ACCS: variants seen among roughly 807,000 people sequenced by gnomAD.
ACCS encodes 1-aminocyclopropane-1-carboxylate synthase-like protein 1.
Under a neutral mutation model 59.8 loss-of-function variants are expected in ACCS, and 42 were observed. That is an observed-to-expected ratio of 0.70 (90% CI 0.55 to 0.91). The LOEUF (loss-of-function observed/expected upper bound fraction) is 0.91, where lower values mean the gene tolerates loss of function less well. Ranked by LOEUF, ACCS falls within the 40% of genes least tolerant of loss-of-function variation. The probability of loss-of-function intolerance (pLI) is 0.00; values close to 1 mark genes in which losing one functional copy is unlikely to be tolerated. For synonymous variants in ACCS, 230 were observed against 240.3 expected (o/e 0.96, Z 0.40); for missense variants, 602 against 630.4 (o/e 0.95, Z 0.48).
At position 44,075,579 on chromosome 11, in the gene ACCS, G is replaced by A. The variant is rs779043706; in HGVS notation, c.543G>A (p.Leu181=). Reference sequence around the variant, plus strand: ...TCTTCTCTGCTCTGGCCACGGTGCTGTGTGAGGCCGGGGGTAAGTGAGCTC... The same window carrying A: ...TCTTCTCTGCTCTGGCCACGGTGCTATGTGAGGCCGGGGGTAAGTGAGCTC... ...ASLFSALATV[L]CEAGEAFLIP... is the part of the protein sequence containing the mutation. Residue 181 remains leucine, a synonymous_variant, in exon 6 of 15, where the codon CTG becomes CTA. Transcript: ENST00000263776. 6.8e-6 allele frequency: 11 copies of A among 1,614,156 alleles called. No individual in the cohort carries two copies. The highest frequency in any genetic ancestry group is 9.3e-6 in the Non-Finnish European group (11 of 1,180,024).
intron 5 of ACCS, among the ~76,000 whole-genome samples, chr11:44,075,233 G>T (rs1163865534): frequency 6.6e-6 from 1 of 152,102 alleles, no homozygotes; most frequent in Non-Finnish European, 1.5e-5. Context: ...CTCCCTCCTC[G>T]ATGTTTAAAG....
In ACCS at chr11:44,083,539, G is replaced by C; in HGVS notation, c.1370G>C (p.Arg457Pro). ...GAGTGTAAAGAGCCTGGTTGGTTTC[G>C]CTTTGTCTTCTCAGACCAGGTCCAC... ...AFECKEPGWF[R>P]FVFSDQVHRL... Residue 457 changes from arginine to proline, a missense_variant, in exon 14 of 15, where the codon CGC becomes CCC. Physicochemically the swap from Arg to Pro is moderately radical, Grantham distance 103. Transcript: ENST00000263776. The C allele has an allele frequency of 1.2e-6, 2 of 1,614,234 alleles. No homozygotes were observed. The highest frequency in any genetic ancestry group is 1.7e-6 in the Non-Finnish European group (2 of 1,180,040).
chr11:44,075,365 C>T (rs192643143), intron 5 of ACCS, among the ~76,000 whole-genome samples, 161 bp from the exon 6 acceptor site: 170 of 152,318 alleles, frequency 1.1e-3, no homozygotes, highest in Non-Finnish European at 1.1e-3. Context: ...AGGGTCCACA[C>T]GGATGAGCTT....
In ACCS at chr11:44,077,831, G is replaced by A. The variant is rs372496715; in HGVS notation, c.655-14G>A. ...ACTGAATGTGGCTGGTGGCTCTGAT[G>A]GGTCTTTTTCCAGGTCACTGGGCTA... On this transcript the variant is annotated splice_polypyrimidine_tract_variant and intron_variant, in intron 7 of 14. Coordinates refer to ENST00000263776, the MANE Select transcript of ACCS (RefSeq NM_032592.4). 19 of 1,612,252 alleles carry A rather than the reference G, an allele frequency of 1.2e-5. No homozygotes were observed. Among genetic ancestry groups the A allele is most frequent in the Non-Finnish European group, 1.5e-5 (18 of 1,179,244 alleles).
At chr11:44,079,303 C>A (rs1224218949) in intron 9 of ACCS, 1 of 518,156 alleles carries the variant, frequency 1.9e-6, no homozygotes. Context: ...CCCGGGAGAT[C>A]CTTTTCTCCC....
At chr11:44,082,907 G>A (rs534597829) in intron 12 of ACCS, among the ~76,000 whole-genome samples, 3 of 152,084 alleles carry the variant, frequency 2.0e-5, no homozygotes, top group African/African-American at 4.8e-5. Flanking sequence ...TCTTTATCCT[G>A]GGGGACTTTG....
chr11:44,074,734 C>CTCTCTCTTTCTTTCTTTCTT (rs879192765), intron 5 of ACCS, 53 bp downstream of exon 5: 3 of 548,372 alleles, frequency 5.5e-6, no homozygotes, highest in Non-Finnish European at 7.8e-6. Flanking sequence ...CCCTCTCCAT[C>CTCTCTCTTTCTTTCTTTCTT]TCTTTCTTTC....
Position 44,079,611 on chromosome 11 carries a change from G to T in ACCS, c.914G>T (p.Ser305Ile). The T allele has an allele frequency of 6.2e-7, 1 of 1,608,932 alleles. No homozygotes were observed. The highest frequency in any genetic ancestry group is 8.5e-7 in the Non-Finnish European group (1 of 1,177,808). The change falls in exon 10 of 15, where the codon AGC becomes ATC. Residue 305 changes from serine to isoleucine, a missense_variant. Transcript: ENST00000263776. ...EKSVGYRSVL[S>I]LERLPDPQRT... The stretch of plus-strand genomic sequence containing the variant: ...TCTGTTGGGTACCGCAGTGTCCTAA[G>T]CCTGGAAAGGTGAGGCTCCCTGACA...
At position 44,083,255 on chromosome 11, in the gene ACCS, G is replaced by A. The variant is rs1038987155; in HGVS notation, c.1198G>A (p.Gly400Arg). ...TGTCTCAGAAGAGCTTAGGGCATTG[G>A]GGATCCCCTTCTTGAGTCGTGGGGC... ...TYVSEELRAL[G>R]IPFLSRGAGF... Residue 400 changes from glycine (G) to arginine (R), a missense_variant, in exon 13 of 15, where the codon GGG (glycine) becomes AGG (arginine). Gly to Arg is a moderately radical substitution (Grantham distance 125, BLOSUM62 -2). Transcript: ENST00000263776. The A allele has an allele frequency of 1.2e-6, 2 of 1,614,206 alleles. No homozygotes were observed. Among genetic ancestry groups the A allele is most frequent in the Non-Finnish European group, 1.7e-6 (2 of 1,180,036 alleles).
At chr11:44,082,502 C>T (rs1180987188) in intron 12 of ACCS, among the ~76,000 whole-genome samples, 1 of 152,166 alleles carries the variant, frequency 6.6e-6, no homozygotes, top group African/African-American at 2.4e-5. Flanking sequence ...TGAGTGAAAG[C>T]AGCTAGCCTC....
chr11:44,080,831 C>T (rs563870536), intron 10 of ACCS, 189 bp from the exon 11 acceptor site: 14 of 640,936 alleles, frequency 2.2e-5, no homozygotes, highest in Admixed American at 1.4e-4. Flanking sequence ...ATGTTTGGCC[C>T]GCGGGCTGTC....
intron 10 of ACCS, among the ~76,000 whole-genome samples, chr11:44,080,121 A>G (rs962676933): frequency 2.0e-5 from 3 of 152,240 alleles, no homozygotes; most frequent in African/African-American, 7.2e-5. Flanking sequence ...ACACTGGCCC[A>G]TGCCTGTAAT....
chr11:44,080,898 A>C, intron 10 of ACCS, 122 bp from the exon 11 acceptor site: 1 of 1,276,188 alleles, frequency 7.8e-7, no homozygotes, highest in Non-Finnish European at 1.1e-6. Flanking sequence ...AAGACATGAA[A>C]CCAGGGCTTG....
Position 44,071,269 on chromosome 11 carries a change from T to C in ACCS, c.302T>C (p.Leu101Ser), listed in dbSNP as rs1398891520. 2.4e-5 allele frequency: 39 copies of C among 1,614,020 alleles called. 1 individual carries two copies. Among genetic ancestry groups the C allele is most frequent in the Non-Finnish European group, 3.1e-5 (36 of 1,180,018 alleles). Residue 101 changes from leucine to serine, a missense_variant, in exon 3 of 15, where the codon TTG becomes TCG. Transcript: ENST00000263776. ...TCTCATCTCCAGGGCATCATTAACT[T>C]GGGCACCAGTGAGAACAAACTCTGC... The part of the protein sequence containing the change: ...EDKNPSGIIN[L>S]GTSENKLCFD...
chr11:44,077,184 A>T (rs756049380), intron 6 of ACCS, 95 bp from the exon 7 acceptor site: 1 of 1,367,214 alleles, frequency 7.3e-7, no homozygotes, highest in Non-Finnish European at 1.0e-6. Context: ...TCCCCAAAGA[A>T]GTTAAAGGCT....
rs143285464 is a variant in ACCS, at chr11:44,069,999, G to T, written c.289-1257G>T. Among the ~76,000 whole-genome samples, 11 of 152,298 alleles carry T rather than the reference G, an allele frequency of 7.2e-5. No individual in the cohort carries two copies. In the East Asian group the frequency reaches 1.5e-3, roughly 21 times the overall value. On this transcript the variant is annotated intron_variant, in intron 2 of 14. Coordinates refer to ENST00000263776, the MANE Select transcript of ACCS (RefSeq NM_032592.4). Reference sequence around the variant, plus strand: ...AGCAGAGGAAACAGCCAGTGCAAAGGCTCCAGGGTTAGATCATGCTTGATG... The same window carrying T: ...AGCAGAGGAAACAGCCAGTGCAAAGTCTCCAGGGTTAGATCATGCTTGATG...
chr11:44,075,895 T>C (rs977739014), intron 6 of ACCS: 1 of 307,670 alleles, frequency 3.3e-6, no homozygotes, highest in African/African-American at 2.1e-5. Context: ...AGGGATGTGG[T>C]CGTGCCGTGC....
intron 1 of ACCS, chr11:44,067,067 G>C (rs1357592821): frequency 6.5e-6 from 1 of 155,036 alleles, no homozygotes; most frequent in Admixed American, 6.2e-5. Flanking sequence ...CCCTCTCCTT[G>C]GTGTCCACAC....
At chr11:44,068,567 T>A (rs1952899288) in intron 2 of ACCS, among the ~76,000 whole-genome samples, 1 of 152,232 alleles carries the variant, frequency 6.6e-6, no homozygotes, top group Admixed American at 6.5e-5. Flanking sequence ...ATCATGCCAC[T>A]GCATTCTAGC....
Sources: allele counts gnomAD v4.1 joint callset (sites outside exome capture counted in the v4.1 genomes callset), GRCh38; gene constraint gnomAD v4.1.1; transcripts MANE v1.5; gene names NCBI Gene and HGNC (gene_info 2026-07-23, HGNC 2026-07-21).